The following C16orf74 variants were observed in gnomAD, a reference collection of about 807,000 sequenced individuals.
The protein encoded by C16orf74 is calcimembrin, also known as uncharacterized protein C16orf74.
In C16orf74, 10 loss-of-function variants were observed where a neutral mutation model predicts 6.5. The ratio of observed to expected loss-of-function variants is 1.54; its 90% CI spans 0.95 to 2.61. C16orf74 has a LOEUF of 2.61. Ranked by LOEUF, C16orf74 falls within the 30% of genes most tolerant of loss-of-function variation. The pLI is 0.00. For synonymous variants in C16orf74, 60 were observed against 42.5 expected, an observed-to-expected ratio of 1.41 and a Z score of -1.60; for missense variants, 141 against 105.9, an observed-to-expected ratio of 1.33 and a Z score of -1.45.
chr16:85,735,626 C>G (rs1001753191), intron 1 of C16orf74, among the ~76,000 whole-genome samples: 2 of 152,046 alleles, frequency 1.3e-5, no homozygotes, highest in Non-Finnish European at 2.9e-5. Flanking sequence ...GAAGACCTGC[C>G]AGCAGGGCTC....
intron 3 of C16orf74, 121 bp downstream of exon 3, chr16:85,710,043 C>G (rs1319899182): frequency 1.2e-6 from 1 of 820,846 alleles, no homozygotes; most frequent in African/African-American, 1.8e-5. Flanking sequence ...AAATGTTTAA[C>G]GAACCCAGTG....
At chr16:85,721,756 C>G (rs1434726566) in intron 2 of C16orf74, among the ~76,000 whole-genome samples, 3 of 152,200 alleles carry the variant, frequency 2.0e-5, no homozygotes, top group African/African-American at 7.2e-5. Context: ...TGGCATGGAG[C>G]TGCTGGCTTC....
At chr16:85,727,881 G>C (rs1316176185) in intron 2 of C16orf74, among the ~76,000 whole-genome samples, 3 of 144,668 alleles carry the variant, frequency 2.1e-5, no homozygotes. Flanking sequence ...GCTCATGCCT[G>C]AAATCCTAGC....
rs1420089957 is a variant in C16orf74 at position 85,722,077 on chromosome 16, G to A, written c.29-11770C>T. 2.7e-5 allele frequency among the ~76,000 whole-genome samples: 4 copies of A among 146,722 alleles called. No individual in the cohort carries two copies. In the East Asian group the frequency reaches 8.0e-4, roughly 29 times the overall value. On this transcript the variant is annotated intron_variant, in intron 2 of 3. Transcript: ENST00000284245. ...GGGCTCACGCGGTCTTGCTGCCTTG[G>A]CCTGCTAACTCCTGCGCTCAGGTGA...
At chr16:85,735,055 T>C in intron 2 of C16orf74, 135 bp downstream of exon 2, 1 of 588,384 alleles carries the variant, frequency 1.7e-6, no homozygotes, top group Non-Finnish European at 2.8e-6. Flanking sequence ...GCACCTGCTG[T>C]GTACAGGACT....
intron 3 of C16orf74, 54 bp from the exon 4 acceptor site, chr16:85,708,120 G>A (rs755639697): frequency 1.2e-5 from 18 of 1,451,980 alleles, no homozygotes; most frequent in Non-Finnish European, 1.7e-5. Flanking sequence ...ACCACACCAA[G>A]CCCCGTTTCC....
At chr16:85,734,570 C>T (rs1184493623) in intron 2 of C16orf74, among the ~76,000 whole-genome samples, 5 of 152,200 alleles carry the variant, frequency 3.3e-5, no homozygotes, top group Admixed American at 6.5e-5. Context: ...GGGCCGCCCA[C>T]GTGACTCCCA....
At chr16:85,708,721 A>G (rs551381383) in intron 3 of C16orf74, among the ~76,000 whole-genome samples, 36 of 152,344 alleles carry the variant, frequency 2.4e-4, no homozygotes, top group South Asian at 2.1e-3. Context: ...CAGCACCTGC[A>G]CTGGCCCAAC....
chr16:85,716,592 G>C (rs547351012), intron 2 of C16orf74, among the ~76,000 whole-genome samples: 1 of 149,812 alleles, frequency 6.7e-6, no homozygotes, highest in African/African-American at 2.5e-5. Context: ...GAGAAAAGGA[G>C]GGAGGAGGAA....
chr16:85,729,414 G>A (rs994212908), intron 2 of C16orf74, among the ~76,000 whole-genome samples: 5 of 152,332 alleles, frequency 3.3e-5, no homozygotes, highest in Non-Finnish European at 5.9e-5. Context: ...AAACAAAGGG[G>A]TGTTGGCACA....
intron 2 of C16orf74, among the ~76,000 whole-genome samples, chr16:85,717,413 C>T (rs369105627): frequency 1.3e-5 from 2 of 152,260 alleles, no homozygotes; most frequent in Non-Finnish European, 1.5e-5. Flanking sequence ...GGATGGGAAC[C>T]CCTGAGCTAG....
intron 2 of C16orf74, among the ~76,000 whole-genome samples, chr16:85,719,104 C>T (rs1023023302): frequency 1.2e-4 from 19 of 152,260 alleles, no homozygotes; most frequent in Non-Finnish European, 1.8e-4. Flanking sequence ...GGCTTTCTCA[C>T]CTGCAGAGCC....
At chr16:85,722,620 C>A (rs2054094173) in intron 2 of C16orf74, among the ~76,000 whole-genome samples, 2 of 152,000 alleles carry the variant, frequency 1.3e-5, no homozygotes, top group South Asian at 4.2e-4. Context: ...TTGCTCTGCT[C>A]GCTCCCTGAT....
chr16:85,711,734 A>G (rs1050017472), intron 2 of C16orf74, among the ~76,000 whole-genome samples: 4 of 152,278 alleles, frequency 2.6e-5, no homozygotes, highest in Middle Eastern at 3.4e-3. Flanking sequence ...TTTTGCCCCA[A>G]ACGGTGCCAG....
intron 1 of C16orf74, among the ~76,000 whole-genome samples, chr16:85,748,315 C>G (rs549049855): frequency 6.6e-6 from 1 of 152,020 alleles, no homozygotes; most frequent in South Asian, 2.1e-4. Context: ...GAGTTATTAT[C>G]TGGGCTGGGT....
At chr16:85,715,309 A>G (rs1439252071) in intron 2 of C16orf74, among the ~76,000 whole-genome samples, 1 of 151,218 alleles carries the variant, frequency 6.6e-6, no homozygotes, top group Non-Finnish European at 1.5e-5. Flanking sequence ...CAGACAATCT[A>G]CTGGGGCCGA....
chr16:85,743,352 C>A lies in C16orf74; in HGVS notation c.-19+7574G>T, dbSNP rs781184597. ...CCAGCTGTTTTCAGTGTGCCAAATT[C>A]TGGGCCAAGTTTGCTATAAAAACGA... On this transcript the variant is annotated intron_variant, in intron 1 of 3. Transcript: ENST00000284245. 3.3e-5 allele frequency: 5 copies of A among 152,200 alleles called. 1 individual carries two copies. The highest frequency in any genetic ancestry group is 7.3e-5 in the Non-Finnish European group (5 of 68,044). The allele number at this position is 152,200 out of a possible 1,614,324, so 9.4% of individuals were successfully genotyped here. A position where few individuals can be genotyped will look rare whatever the true frequency, so the allele number is the denominator to read the frequency against.
intron 2 of C16orf74, among the ~76,000 whole-genome samples, chr16:85,723,542 G>C (rs555589435): frequency 6.6e-6 from 1 of 152,326 alleles, no homozygotes; most frequent in East Asian, 1.9e-4. Flanking sequence ...TCTCCCATGG[G>C]GTGAGTGGAA....
At chr16:85,724,491 C>T (rs907572294) in intron 2 of C16orf74, among the ~76,000 whole-genome samples, 1 of 152,162 alleles carries the variant, frequency 6.6e-6, no homozygotes, top group African/African-American at 2.4e-5. Context: ...TACCACCTGA[C>T]ACCTCAGCTT....
Sources: allele counts gnomAD v4.1 joint callset (sites outside exome capture counted in the v4.1 genomes callset), GRCh38; gene constraint gnomAD v4.1.1; transcripts MANE v1.5; gene names NCBI Gene and HGNC (gene_info 2026-07-23, HGNC 2026-07-21).